The following KCNN2 variants were observed in gnomAD, a reference collection of about 807,000 sequenced individuals.
The protein encoded by KCNN2 is potassium calcium-activated channel subfamily N member 2.
A neutral mutation model predicts 55.5 loss-of-function variants in KCNN2; 24 were observed. That is an observed-to-expected ratio of 0.43 (90% CI 0.31 to 0.61). KCNN2 has a LOEUF of 0.61. KCNN2 is among the 20% of genes least tolerant of loss of function. The probability of loss-of-function intolerance (pLI) is 0.08; values close to 1 mark genes in which losing one functional copy is unlikely to be tolerated. For synonymous variants in KCNN2, 431 were observed against 336.1 expected, an observed-to-expected ratio of 1.28 and a Z score of -3.09; for missense variants, 754 against 853.6, an observed-to-expected ratio of 0.88 and a Z score of 1.45.
chr5:114,154,087 G>C (rs1256533912), intron 1 of KCNN2, among the ~76,000 whole-genome samples: 2 of 152,098 alleles, frequency 1.3e-5, no homozygotes, highest in Non-Finnish European at 2.9e-5. Context: ...TTTATAAATA[G>C]CTTCATTATA....
Position 114,362,880 on chromosome 5 carries a change from G to GC in KCNN2, c.747dup (p.Ala250ArgfsTer33), listed in dbSNP as rs746921310. On this transcript the variant is annotated frameshift_variant, in exon 1 of 8. Transcript: ENST00000673685. LOFTEE classifies it high-confidence loss of function. ...TGGACTCAGAGGCGCAGCCCCTGCA[G>GC]CCCCCCGCGTCTGTCGGAGGAGGTG... The GC allele has an allele frequency of 6.3e-7, 1 of 1,598,566 alleles. No individual in the cohort carries two copies.
In KCNN2 at chr5:114,127,327, G is replaced by A. The variant is rs188134066; in HGVS notation, c.-271+70827G>A. On this transcript the variant is annotated intron_variant, in intron 1 of 10. Transcript: ENST00000512097. The stretch of plus-strand genomic sequence containing the variant: ...CAGACTTCTGCCTGAACATGCAGGC[G>A]TTTCCGTACATCCTGAGAAATCTAA... Among the ~76,000 whole-genome samples, 24 of 152,254 alleles carry A rather than the reference G, an allele frequency of 1.6e-4. 1 individual carries two copies. Among genetic ancestry groups the A allele is most frequent in the Admixed American group, 1.2e-3 (18 of 15,294 alleles).
chr5:114,174,241 T>G (rs2112546173), intron 1 of KCNN2, among the ~76,000 whole-genome samples: 1 of 152,258 alleles, frequency 6.6e-6, no homozygotes, highest in Admixed American at 6.5e-5. Context: ...TTGTCATGGC[T>G]TCATAAGATA....
chr5:114,491,155 C>A lies in KCNN2; in HGVS notation c.2019-2248C>A, dbSNP rs897783065. ...TAATCCAAGAGAAGTAAATTAGGCC[C>A]CGTTGTTTATAAGATGAAGTACCCA... On this transcript the variant is annotated intron_variant, in intron 6 of 7. Coordinates refer to ENST00000673685, the MANE Select transcript of KCNN2 (RefSeq NM_021614.4). 7.9e-5 allele frequency among the ~76,000 whole-genome samples: 12 copies of A among 151,976 alleles called. No individual in the cohort carries two copies. The East Asian group carries it at 9.6e-4, about 12-fold the overall frequency.
rs184944039 is a variant in KCNN2 at position 114,200,187 on chromosome 5, C to G, written c.-270-21293C>G. Among the ~76,000 whole-genome samples the G allele has an allele frequency of 2.0e-5, 3 of 152,124 alleles. No individual in the cohort carries two copies. The East Asian group carries it at 5.8e-4, about 29-fold the overall frequency. ...TCCCAGATGTCACAAAGGATTTGTT[C>G]ATTTTTTAAAATACTTTTTTTTTAT... On this transcript the variant is annotated intron_variant, in intron 1 of 10. Transcript: ENST00000512097.
At chr5:114,330,485 T>C (rs1212512682) in intron 2 of KCNN2, among the ~76,000 whole-genome samples, 3 of 152,222 alleles carry the variant, frequency 2.0e-5, no homozygotes, top group African/African-American at 7.2e-5. Context: ...AACATATCAT[T>C]CAGAGCTTTT....
intron 1 of KCNN2, among the ~76,000 whole-genome samples, chr5:114,221,462 A>G (rs547544287): frequency 6.6e-6 from 1 of 152,220 alleles, no homozygotes; most frequent in Non-Finnish European, 1.5e-5. Context: ...AAAGACTAAT[A>G]GAATTTACCT....
chr5:114,451,889 A>G (rs1353698956), intron 3 of KCNN2, among the ~76,000 whole-genome samples: 2 of 147,834 alleles, frequency 1.4e-5, no homozygotes, highest in Non-Finnish European at 3.0e-5. Flanking sequence ...AGAGCAAGAC[A>G]CTGTCTCAAA....
chr5:114,214,668 A>G (rs1017763053), intron 1 of KCNN2, among the ~76,000 whole-genome samples: 1 of 152,160 alleles, frequency 6.6e-6, no homozygotes, highest in African/African-American at 2.4e-5. Flanking sequence ...TGGGTTCCCC[A>G]TATGGCTCAG....
At chr5:114,138,989 AC>A (rs1165017282) in intron 1 of KCNN2, among the ~76,000 whole-genome samples, 17 of 152,218 alleles carry the variant, frequency 1.1e-4, no homozygotes, top group African/African-American at 4.1e-4. Context: ...TAAATACTAT[AC>A]CTTTTATAGT....
At chr5:114,346,095 T>A (rs1482869754) in intron 2 of KCNN2, among the ~76,000 whole-genome samples, 2 of 152,188 alleles carry the variant, frequency 1.3e-5, no homozygotes, top group African/African-American at 4.8e-5. Flanking sequence ...AGGGAGCTTT[T>A]AATCATTGCA....
Position 114,202,618 on chromosome 5 carries a change from G to T in KCNN2, c.-270-18862G>T, listed in dbSNP as rs544244897. 1.7e-4 allele frequency among the ~76,000 whole-genome samples: 21 copies of T among 123,944 alleles called. No homozygotes were observed. In the East Asian group the frequency reaches 4.7e-3, roughly 28 times the overall value. The allele number at this position is 123,944 out of a possible 152,430, so 81.3% of individuals were successfully genotyped here. ...TTTTTTTTTCCCGAGACAGAGTCTC[G>T]CTCTGTTGCCCAGGCTGGAGTGCAG... On this transcript the variant is annotated intron_variant, in intron 1 of 10. Coordinates refer to the KCNN2 transcript ENST00000512097.
At position 114,474,536 on chromosome 5, in the gene KCNN2, G is replaced by T. The variant is rs146622918; in HGVS notation, c.1890+1372G>T. ...GTGTGCAGGGAAAAAGGTCAATGAGGAGCTGAATAAAGGCTTGGGTTTCTT... is the reference window on the plus strand; with the variant it reads ...GTGTGCAGGGAAAAAGGTCAATGAGTAGCTGAATAAAGGCTTGGGTTTCTT... On this transcript the variant is annotated intron_variant, in intron 5 of 7. Transcript: ENST00000673685. Among the ~76,000 whole-genome samples the T allele has an allele frequency of 6.0e-3, 921 of 152,242 alleles. 6 individuals carry two copies. The highest frequency in any genetic ancestry group is 9.0e-3 in the Non-Finnish European group (612 of 68,024).
intron 1 of KCNN2, among the ~76,000 whole-genome samples, chr5:114,191,636 G>A (rs1053193898): frequency 1.3e-5 from 2 of 152,154 alleles, no homozygotes; most frequent in Admixed American, 6.5e-5. Context: ...CATAGCACTG[G>A]AATGTTAGTT....
At chr5:114,277,837 T>C (rs1452962383) in intron 2 of KCNN2, among the ~76,000 whole-genome samples, 2 of 152,230 alleles carry the variant, frequency 1.3e-5, no homozygotes, top group African/African-American at 4.8e-5. Flanking sequence ...AGTCCAATTC[T>C]GTCAACATGT....
chr5:114,223,275 G>A (rs564879482), intron 2 of KCNN2, among the ~76,000 whole-genome samples: 7 of 152,218 alleles, frequency 4.6e-5, no homozygotes, highest in African/African-American at 1.7e-4. Context: ...GATTTCCAAA[G>A]ACATACAGTG....
At chr5:114,288,828 T>A (rs1561556624) in intron 2 of KCNN2, among the ~76,000 whole-genome samples, 1 of 152,184 alleles carries the variant, frequency 6.6e-6, no homozygotes. Context: ...TTCACCTTCT[T>A]AATAATGTCC....
intron 1 of KCNN2, among the ~76,000 whole-genome samples, chr5:114,133,521 C>A (rs1215864817): frequency 6.6e-6 from 1 of 152,264 alleles, no homozygotes; most frequent in East Asian, 1.9e-4. Flanking sequence ...CCCTGTACCA[C>A]GGAGACAGGG....
At chr5:114,258,659 C>T (rs1755034539) in intron 2 of KCNN2, among the ~76,000 whole-genome samples, 1 of 152,120 alleles carries the variant, frequency 6.6e-6, no homozygotes, top group East Asian at 1.9e-4. Flanking sequence ...ACTCCATGGC[C>T]TGATCGGGCA....
Sources: allele counts gnomAD v4.1 joint callset (sites outside exome capture counted in the v4.1 genomes callset), GRCh38; gene constraint gnomAD v4.1.1; transcripts MANE v1.5; gene names NCBI Gene and HGNC (gene_info 2026-07-23, HGNC 2026-07-21).